The following SPNS3 variants were observed in gnomAD, a reference collection of about 807,000 sequenced individuals.
SPNS3 encodes SPNS lysolipid transporter 3, sphingosine-1-phosphate (putative).
SPNS3 carries 51 observed loss-of-function variants against 54.4 expected under a neutral mutation model. The ratio of observed to expected loss-of-function variants is 0.94; its 90% confidence interval spans 0.75 to 1.18. SPNS3 has a LOEUF of 1.18. Among genes scored for constraint, SPNS3 ranks in the 50% most tolerant of loss-of-function variants. The pLI, the probability that SPNS3 is intolerant of heterozygous loss-of-function variation, is 0.00. For missense variants in SPNS3, 669 were observed against 677.4 expected (o/e 0.99, Z 0.14); for synonymous variants, 309 against 294.7 (o/e 1.05, Z -0.50).
chr17:4,437,928 AG>A (rs1970755667), intron 1 of SPNS3, among the ~76,000 whole-genome samples: 1 of 151,932 alleles, frequency 6.6e-6, no homozygotes, highest in African/African-American at 2.4e-5. Flanking sequence ...CTGGGACTAC[AG>A]GCCTGTGCCA....
intron 8 of SPNS3, among the ~76,000 whole-genome samples, chr17:4,476,323 G>A (rs1239033357): frequency 6.6e-6 from 1 of 152,226 alleles, no homozygotes; most frequent in African/African-American, 2.4e-5. Flanking sequence ...CATTGTAGCT[G>A]CAGCCTCCCT....
intron 8 of SPNS3, among the ~76,000 whole-genome samples, chr17:4,478,146 AT>A (rs373464221): frequency 1.3e-5 from 2 of 150,962 alleles, no homozygotes; most frequent in African/African-American, 2.4e-5. Flanking sequence ...TAATTTTTGT[AT>A]TTTTAGTAGA....
chr17:4,484,414 G>A (rs1482075688), intron 9 of SPNS3, among the ~76,000 whole-genome samples: 4 of 152,058 alleles, frequency 2.6e-5, no homozygotes, highest in Non-Finnish European at 4.4e-5. Context: ...TCCACCTCCC[G>A]GGTTCAAGCG....
At chr17:4,436,078 T>C (rs1263862657) in intron 1 of SPNS3, among the ~76,000 whole-genome samples, 1 of 152,152 alleles carries the variant, frequency 6.6e-6, no homozygotes, top group Non-Finnish European at 1.5e-5. Flanking sequence ...AAATCGGACT[T>C]GGAGTTCCTG....
intron 2 of SPNS3, among the ~76,000 whole-genome samples, chr17:4,444,248 T>C (rs1445914876): frequency 6.6e-6 from 1 of 151,600 alleles, no homozygotes; most frequent in Non-Finnish European, 1.5e-5. Context: ...CAAGTCTTGC[T>C]CTGTCGCCCA....
chr17:4,471,752 C>T (rs1971859627), intron 8 of SPNS3, among the ~76,000 whole-genome samples: 1 of 152,106 alleles, frequency 6.6e-6, no homozygotes, highest in South Asian at 2.1e-4. Flanking sequence ...AGGCATGTAC[C>T]ACTGTGCCCG....
At chr17:4,457,668 C>T (rs1971350403) in intron 8 of SPNS3, among the ~76,000 whole-genome samples, 3 of 152,162 alleles carry the variant, frequency 2.0e-5, no homozygotes, top group Non-Finnish European at 4.4e-5. Context: ...GGGCCCCCTG[C>T]CAGCCCTGCT....
intron 2 of SPNS3, among the ~76,000 whole-genome samples, chr17:4,443,761 G>C (rs973965180): frequency 3.3e-5 from 5 of 152,172 alleles, no homozygotes; most frequent in African/African-American, 1.2e-4. Flanking sequence ...AAAAGACTAT[G>C]GGAACTTATT....
rs181886621 is a variant in SPNS3, at chr17:4,453,921, T to A, written c.1113+716T>A. Among the ~76,000 whole-genome samples the A allele has an allele frequency of 4.6e-5, 7 of 152,264 alleles. No homozygotes were observed. The East Asian group carries it at 1.2e-3, about 25-fold the overall frequency. On this transcript the variant is annotated intron_variant, in intron 8 of 11. Coordinates refer to ENST00000355530, the MANE Select transcript of SPNS3 (RefSeq NM_182538.5). ...TCAAGTGTTCCAAATCCACATCCCA[T>A]CACACCCCTTCATGGGCCTCACACT...
intron 8 of SPNS3, among the ~76,000 whole-genome samples, chr17:4,458,625 C>CTTT (rs1555530843): frequency 7.9e-6 from 1 of 126,668 alleles, no homozygotes; most frequent in African/African-American, 3.1e-5. Context: ...TTCTTTCTTT[C>CTTT]TTTCTTTCTT....
At chr17:4,455,587 GC>G in intron 8 of SPNS3, among the ~76,000 whole-genome samples, 1 of 152,226 alleles carries the variant, frequency 6.6e-6, no homozygotes, top group East Asian at 1.9e-4. Context: ...CCTGCAAGGG[GC>G]CCCCTCTCAT....
intron 8 of SPNS3, among the ~76,000 whole-genome samples, chr17:4,453,421 G>A (rs1971222338): frequency 2.6e-5 from 4 of 152,056 alleles, no homozygotes; most frequent in Non-Finnish European, 2.9e-5. Flanking sequence ...GGTCAAGGCC[G>A]GCCTGGCCAA....
chr17:4,465,598 G>A (rs1248299032), intron 8 of SPNS3, among the ~76,000 whole-genome samples: 1 of 152,138 alleles, frequency 6.6e-6, no homozygotes. Context: ...ATGATGGCAG[G>A]TGCCTGTAAT....
intron 9 of SPNS3, among the ~76,000 whole-genome samples, chr17:4,484,666 G>A (rs1006193880): frequency 6.6e-6 from 1 of 152,122 alleles, no homozygotes; most frequent in African/African-American, 2.4e-5. Context: ...CCTAGGTCTT[G>A]GGGATACGGC....
chr17:4,477,105 C>T (rs1234294073), intron 8 of SPNS3, among the ~76,000 whole-genome samples: 1 of 152,216 alleles, frequency 6.6e-6, no homozygotes, highest in Non-Finnish European at 1.5e-5. Flanking sequence ...GCTGGGAACC[C>T]CCACTCCCCT....
rs1216198378 is a variant in SPNS3 at position 4,486,982 on chromosome 17, G to A, written c.1450+399G>A. ...AGGTTAGGAGTTCAAGACCAGCCTG[G>A]GCAACATGGTGAAGCCCTGTCTCTA... On this transcript the variant is annotated intron_variant, in intron 11 of 11. Transcript: ENST00000355530. This position sits in a 1 kb window ranked among gnomAD's most constrained non-coding sequence, Gnocchi z 5.5. Among the ~76,000 whole-genome samples the A allele has an allele frequency of 6.6e-6, 1 of 151,870 alleles. No homozygotes were observed. The highest frequency in any genetic ancestry group is 1.5e-5 in the Non-Finnish European group (1 of 67,940).
Position 4,486,707 on chromosome 17 carries a change from C to G in SPNS3, c.1450+124C>G, listed in dbSNP as rs1024835065. On this transcript the variant is annotated intron_variant, in intron 11 of 11. Transcript: ENST00000355530. The surrounding 1 kb of genome is among the most constrained non-coding windows in gnomAD (Gnocchi z 5.5). The stretch of plus-strand genomic sequence containing the variant: ...TCATCCAGAAATGCTTAGTACACCC[C>G]TGCTATGTACCAGGGAAGGTTGCAG... 5.3e-5 allele frequency: 54 copies of G among 1,021,940 alleles called. No homozygotes were observed. The Admixed American group carries it at 1.0e-3, about 19-fold the overall frequency. 63.3% of individuals were successfully genotyped at this position (1,021,940 alleles called of 1,614,324 possible). A position where few individuals can be genotyped will look rare whatever the true frequency, so the allele number is the denominator to read the frequency against.
chr17:4,480,284 C>T (rs930622332), intron 9 of SPNS3, among the ~76,000 whole-genome samples: 1 of 152,258 alleles, frequency 6.6e-6, no homozygotes, highest in Non-Finnish European at 1.5e-5. Context: ...TGCTACATGG[C>T]CCTGGGCCTC....
In SPNS3 at chr17:4,486,726, G is replaced by GT. The variant is rs2144257505; in HGVS notation, c.1450+145dup. ...ACACCCCTGCTATGTACCAGGGAAG[G>GT]TTGCAGATGCTGGGGAGTGAAAGAA... On this transcript the variant is annotated intron_variant, in intron 11 of 11. Coordinates refer to ENST00000355530, the MANE Select transcript of SPNS3 (RefSeq NM_182538.5). The surrounding 1 kb of genome is among the most constrained non-coding windows in gnomAD (Gnocchi z 5.5). 2.2e-6 allele frequency: 2 copies of GT among 902,410 alleles called. No homozygotes were observed. Among genetic ancestry groups the GT allele is most frequent in the East Asian group, 2.7e-5 (1 of 36,490 alleles). The allele number at this position is 902,410 out of a possible 1,614,324, so 55.9% of individuals were successfully genotyped here. A position where few individuals can be genotyped will look rare whatever the true frequency, so the allele number is the denominator to read the frequency against.
Sources: allele counts gnomAD v4.1 joint callset (sites outside exome capture counted in the v4.1 genomes callset), GRCh38; gene constraint gnomAD v4.1.1; non-coding constraint Gnocchi (gnomAD v3.1); transcripts MANE v1.5; gene names NCBI Gene and HGNC (gene_info 2026-07-23, HGNC 2026-07-21).